PCDHGA12: variants seen among roughly 807,000 people sequenced by gnomAD.
PCDHGA12 encodes protocadherin gamma subfamily A, 12.
In PCDHGA12, 43 loss-of-function variants were observed where a neutral mutation model predicts 61.1. The ratio of observed to expected loss-of-function variants is 0.70; its 90% CI spans 0.55 to 0.91. The LOEUF is 0.91. Among genes scored for constraint, PCDHGA12 ranks in the 40% least tolerant of loss-of-function variants. PCDHGA12 has a pLI of 0.00. For missense variants in PCDHGA12, 1,236 were observed against 1,227.7 expected, an observed-to-expected ratio of 1.01 and a Z score of -0.10; for synonymous variants, 520 against 542.9, an observed-to-expected ratio of 0.96 and a Z score of 0.59.
rs192747939 is a variant in PCDHGA12 at position 141,487,483 on chromosome 5, T to A, written c.2425-7324T>A. ...TTGTTGATGTGGGAGGCCACTCTCA[T>A]GGCTGTACACCCTTGGCTTCTGCAC... On this transcript the variant is annotated intron_variant, in intron 1 of 3. Transcript: ENST00000252085. This position sits in a 1 kb window ranked among gnomAD's most constrained non-coding sequence, Gnocchi z 5.0. 1 of 1,614,224 alleles carries A rather than the reference T, an allele frequency of 6.2e-7. No individual in the cohort carries two copies. The highest frequency in any genetic ancestry group is 1.1e-5 in the South Asian group (1 of 91,084).
intron 1 of PCDHGA12, chr5:141,478,873 T>C: frequency 7.8e-7 from 1 of 1,274,424 alleles, no homozygotes; most frequent in African/African-American, 1.5e-5. Context: ...GATCAGAGTT[T>C]AGCTTGGTAT....
intron 1 of PCDHGA12, among the ~76,000 whole-genome samples, chr5:141,437,364 T>G (rs1026384836): frequency 6.6e-6 from 1 of 152,232 alleles, no homozygotes; most frequent in Non-Finnish European, 1.5e-5. Context: ...AAAATTGGAA[T>G]GTAATCAGTC....
At chr5:141,495,020 C>G in intron 2 of PCDHGA12, 155 bp downstream of exon 2, 1 of 976,790 alleles carries the variant, frequency 1.0e-6, no homozygotes, top group Non-Finnish European at 1.2e-6. Context: ...GGCTGGCACA[C>G]AGACCCCGGA....
intron 2 of PCDHGA12, among the ~76,000 whole-genome samples, chr5:141,502,517 G>A (rs1333510345): frequency 1.3e-5 from 2 of 152,128 alleles, no homozygotes; most frequent in Admixed American, 6.6e-5. Flanking sequence ...CCCACTATCA[G>A]TGATGCCGAG....
intron 1 of PCDHGA12, among the ~76,000 whole-genome samples, chr5:141,468,165 A>T (rs1249592462): frequency 1.3e-5 from 2 of 151,940 alleles, no homozygotes; most frequent in Non-Finnish European, 2.9e-5. Flanking sequence ...TCTCTGCTAA[A>T]AATAGAAAAA....
chr5:141,464,583 C>T (rs768431243), intron 1 of PCDHGA12, among the ~76,000 whole-genome samples: 6 of 152,024 alleles, frequency 3.9e-5, no homozygotes, highest in Admixed American at 2.0e-4. Context: ...TGAGAATGTC[C>T]ATTGTCCCAT....
chr5:141,451,182 C>T (rs2154563496), intron 1 of PCDHGA12, among the ~76,000 whole-genome samples: 1 of 152,226 alleles, frequency 6.6e-6, no homozygotes, highest in Non-Finnish European at 1.5e-5. Flanking sequence ...TTAGCCATTG[C>T]TGTGTAACAA....
intron 1 of PCDHGA12, among the ~76,000 whole-genome samples, chr5:141,482,412 T>C (rs2099559037): frequency 6.6e-6 from 1 of 151,636 alleles, no homozygotes; most frequent in Non-Finnish European, 1.5e-5. Context: ...TAACTATTTG[T>C]TGAACTAAAA....
intron 1 of PCDHGA12, chr5:141,478,165 C>A: frequency 1.2e-6 from 2 of 1,614,038 alleles, no homozygotes; most frequent in Non-Finnish European, 1.7e-6. Context: ...GCTCTGCCCC[C>A]CGGGAGCAGA....
At chr5:141,469,373 G>A (rs532041259) in intron 1 of PCDHGA12, among the ~76,000 whole-genome samples, 3 of 151,992 alleles carry the variant, frequency 2.0e-5, no homozygotes, top group South Asian at 2.1e-4. Context: ...TAAAGAGATC[G>A]AGACCATCCT....
rs780241180 is a variant in PCDHGA12, at chr5:141,490,819, C to A, written c.2425-3988C>A. On this transcript the variant is annotated intron_variant, in intron 1 of 3. Transcript: ENST00000252085. The surrounding 1 kb of genome is among the most constrained non-coding windows in gnomAD (Gnocchi z 5.4). ...CCAGCGTACCTTTGACTATGAATTGCTGCAGATGCTGCAGATTGTGGTGGG... is the reference window on the plus strand; with the variant it reads ...CCAGCGTACCTTTGACTATGAATTGATGCAGATGCTGCAGATTGTGGTGGG... 3 of 1,613,842 alleles carry A rather than the reference C, an allele frequency of 1.9e-6. No individual in the cohort carries two copies. The highest frequency in any genetic ancestry group is 2.5e-6 in the Non-Finnish European group (3 of 1,179,804).
chr5:141,438,591 C>CATATATATATAT (rs946798767), intron 1 of PCDHGA12, among the ~76,000 whole-genome samples: 3 of 75,560 alleles, frequency 4.0e-5, no homozygotes, highest in Non-Finnish European at 5.4e-5. Flanking sequence ...TACATACATA[C>CATATATATATAT]ATATATATAT....
intron 1 of PCDHGA12, among the ~76,000 whole-genome samples, chr5:141,448,115 T>A (rs62379166): frequency 0.025 from 3,743 of 151,768 alleles, 65 homozygotes; most frequent in Middle Eastern, 0.086. Flanking sequence ...GAAAAGAAAA[T>A]TAGCCTCCCC....
rs368371918 is a variant in PCDHGA12 at position 141,432,800 on chromosome 5, C to G, written c.2041C>G (p.Pro681Ala). Reference sequence around the variant, plus strand: ...GGCGGACCTCGGCAGCCTCGAGTCTCCAGCTAACTCTGAAACCTCAGACCT... The same window carrying G: ...GGCGGACCTCGGCAGCCTCGAGTCTGCAGCTAACTCTGAAACCTCAGACCT... ...VLADLGSLES[P>A]ANSETSDLTL... The change falls in exon 1 of 4, where the codon CCA (proline) becomes GCA (alanine). Residue 681 changes from proline (P) to alanine (A), a missense_variant. Coordinates refer to ENST00000252085, the MANE Select transcript of PCDHGA12 (RefSeq NM_003735.3). This position sits in a 1 kb window ranked among gnomAD's most constrained non-coding sequence, Gnocchi z 6.0. The G allele has an allele frequency of 9.9e-6, 16 of 1,614,038 alleles. No individual in the cohort carries two copies. Among genetic ancestry groups the G allele is most frequent in the Non-Finnish European group, 1.3e-5 (15 of 1,180,016 alleles).
At chr5:141,466,146 T>C (rs977109086) in intron 1 of PCDHGA12, among the ~76,000 whole-genome samples, 5 of 151,880 alleles carry the variant, frequency 3.3e-5, no homozygotes, top group Non-Finnish European at 7.4e-5. Context: ...GTGAAAACTC[T>C]GGTCTTAAAC....
chr5:141,432,528 A>T lies in PCDHGA12; in HGVS notation c.1769A>T (p.Lys590Met). The T allele has an allele frequency of 1.2e-6, 2 of 1,613,804 alleles. No homozygotes were observed. The highest frequency in any genetic ancestry group is 1.7e-6 in the Non-Finnish European group (2 of 1,180,000). ...RSAEPGYLVT[K>M]VVAVDRDSGQ... ...GCAGAGCCCGGCTACCTGGTGACCA[A>T]GGTGGTGGCGGTGGACAGAGACTCC... is the stretch of plus-strand genomic sequence containing the variant. The change falls in exon 1 of 4, where the codon AAG (lysine) becomes ATG (methionine). Residue 590 changes from lysine (K) to methionine (M), a missense_variant. Transcript: ENST00000252085. This position sits in a 1 kb window ranked among gnomAD's most constrained non-coding sequence, Gnocchi z 6.0.
At chr5:141,492,527 G>A (rs1000672383) in intron 1 of PCDHGA12, among the ~76,000 whole-genome samples, 1 of 152,184 alleles carries the variant, frequency 6.6e-6, no homozygotes, top group African/African-American at 2.4e-5. Flanking sequence ...TCTCCCACCT[G>A]CGCCCCGGGC....
At position 141,490,840 on chromosome 5, in the gene PCDHGA12, G is replaced by C. The variant is rs1177428192; in HGVS notation, c.2425-3967G>C. On this transcript the variant is annotated intron_variant, in intron 1 of 3. Transcript: ENST00000252085. This position sits in a 1 kb window ranked among gnomAD's most constrained non-coding sequence, Gnocchi z 5.4. Reference sequence around the variant, plus strand: ...ATTGCTGCAGATGCTGCAGATTGTGGTGGGGGTTCGAGACTCCGGCTCTCC... The same window carrying C: ...ATTGCTGCAGATGCTGCAGATTGTGCTGGGGGTTCGAGACTCCGGCTCTCC... 2 of 1,613,900 alleles carry C rather than the reference G, an allele frequency of 1.2e-6. No homozygotes were observed. Among genetic ancestry groups the C allele is most frequent in the Middle Eastern group, 3.3e-4 (2 of 6,058 alleles).
At chr5:141,474,965 A>G (rs1268347441) in intron 1 of PCDHGA12, among the ~76,000 whole-genome samples, 1 of 152,236 alleles carries the variant, frequency 6.6e-6, no homozygotes, top group Non-Finnish European at 1.5e-5. Context: ...TATCCTAATC[A>G]TTATAATTTT....
Sources: allele counts gnomAD v4.1 joint callset (sites outside exome capture counted in the v4.1 genomes callset), GRCh38; gene constraint gnomAD v4.1.1; non-coding constraint Gnocchi (gnomAD v3.1); transcripts MANE v1.5; gene names NCBI Gene and HGNC (gene_info 2026-07-23, HGNC 2026-07-21).